Variants in ELP2 observed in about 807,000 individuals in gnomAD.
The protein encoded by ELP2 is elongator complex protein 2.
A neutral mutation model predicts 119.2 loss-of-function variants in ELP2; 90 were observed. The ratio of observed to expected loss-of-function variants is 0.75; its 90% CI spans 0.64 to 0.90. The LOEUF (loss-of-function observed/expected upper bound fraction) is 0.90. Among genes scored for constraint, ELP2 ranks in the 40% least tolerant of loss-of-function variants. The pLI, the probability that ELP2 is intolerant of heterozygous loss-of-function variation, is 0.00. For missense variants in ELP2, 921 were observed against 967.8 expected, an observed-to-expected ratio of 0.95 and a Z score of 0.64; for synonymous variants, 339 against 331.0, an observed-to-expected ratio of 1.02 and a Z score of -0.26.
In ELP2 at chr18:36,142,890, A is replaced by T. The variant is rs972904138; in HGVS notation, c.720A>T (p.Ile240=). The change falls in exon 8 of 22, where the codon ATA becomes ATT. Residue 240 remains isoleucine (I), a synonymous_variant. Transcript: ENST00000358232. ...DCLIRIWKLY[I]KSTSLETQDD... ...TGATAAGAATATGGAAGCTGTATAT[A>T]AAGTCAACATCTTTAGAAACTCAGG... 1.2e-6 allele frequency: 2 copies of T among 1,603,542 alleles called. No homozygotes were observed. Among genetic ancestry groups the T allele is most frequent in the African/African-American group, 2.7e-5 (2 of 74,660 alleles).
At position 36,159,971 on chromosome 18, in the gene ELP2, G is replaced by C; in HGVS notation, c.1644G>C (p.Glu548Asp). Reference sequence around the variant, plus strand: ...AATTTATTCTAGAGCCTCCCACTGAGGATCATCTTCTGCAGAATACTTTGT... The same window carrying C: ...AATTTATTCTAGAGCCTCCCACTGACGATCATCTTCTGCAGAATACTTTGT... ...QPSILTEPPT[E>D]DHLLQNTLWP... The change falls in exon 16 of 22, where the codon GAG (glutamate) becomes GAC (aspartate). Residue 548 changes from glutamate to aspartate, a missense_variant. By Grantham distance (45) the Glu-to-Asp change is conservative. Coordinates refer to ENST00000358232, the MANE Select transcript of ELP2 (RefSeq NM_018255.4). 6.2e-7 allele frequency: 1 copy of C among 1,614,066 alleles called. No individual in the cohort carries two copies. The highest frequency in any genetic ancestry group is 8.5e-7 in the Non-Finnish European group (1 of 1,180,010).
At chr18:36,171,815 C>G (rs2091089541) in intron 21 of ELP2, among the ~76,000 whole-genome samples, 1 of 152,238 alleles carries the variant, frequency 6.6e-6, no homozygotes, top group Non-Finnish European at 1.5e-5. Flanking sequence ...CTCCCAGGCT[C>G]AATCAGTCTT....
rs781276353 is a variant in ELP2 at position 36,136,323 on chromosome 18, A to C, written c.234A>C (p.Leu78Phe). Residue 78 changes from leucine to phenylalanine, a missense_variant, in exon 3 of 22, where the codon TTA becomes TTC. Physicochemically the swap from Leu to Phe is conservative, Grantham distance 22. Transcript: ENST00000358232. ...TTTTTTCAGCCCCTTCTACTGAATT[A>C]GTTTCTGGAGGATCTGATAATCAAG... ...CKQDGSPSTE[L>F]VSGGSDNQVI... The C allele has an allele frequency of 6.2e-7, 1 of 1,611,000 alleles. No individual in the cohort carries two copies. The highest frequency in any genetic ancestry group is 1.1e-5 in the South Asian group (1 of 91,040).
At chr18:36,154,533 G>C (rs1433739973) in intron 11 of ELP2, among the ~76,000 whole-genome samples, 1 of 152,136 alleles carries the variant, frequency 6.6e-6, no homozygotes, top group African/African-American at 2.4e-5. Context: ...AACCCTAGAA[G>C]GTAGGTGCTG....
chr18:36,167,058 A>G lies in ELP2; in HGVS notation c.1955-43A>G, dbSNP rs1282811914. 3.2e-6 allele frequency: 5 copies of G among 1,555,996 alleles called. No individual in the cohort carries two copies. In the East Asian group the frequency reaches 1.2e-4, roughly 36 times the overall value. ...ATCACTTCCTAACAGGTAAAAACCC[A>G]GCTTTCTCTGCTTTGTGAATAGTGT... On this transcript the variant is annotated intron_variant, in intron 18 of 21. Coordinates refer to ENST00000358232, the MANE Select transcript of ELP2 (RefSeq NM_018255.4).
Position 36,179,307 on chromosome 18 carries a change from C to CAGAAAAA in ELP2, c.*4667_*4668insGAAAAAA, listed in dbSNP as rs375391321. The CAGAAAAA allele has an allele frequency of 2.8e-5, 3 of 108,778 alleles. No individual in the cohort carries two copies. Among genetic ancestry groups the CAGAAAAA allele is most frequent in the Non-Finnish European group, 5.6e-5 (3 of 53,892 alleles). The allele number at this position is 108,778 out of a possible 1,614,324, so 6.7% of individuals were successfully genotyped here. On this transcript the variant is annotated 3_prime_UTR_variant, in exon 22 of 22. Coordinates refer to ENST00000358232, the MANE Select transcript of ELP2 (RefSeq NM_018255.4). The stretch of plus-strand genomic sequence containing the variant: ...TGAAACCCCATCTCTACTAAAAATA[C>CAGAAAAA]AAAAAAAAAAAAAAAATTAGTCGGG...
chr18:36,160,227 T>G (rs2090693043), intron 16 of ELP2, among the ~76,000 whole-genome samples: 1 of 152,154 alleles, frequency 6.6e-6, no homozygotes, highest in Non-Finnish European at 1.5e-5. Context: ...TTAGTTTTGT[T>G]TATTCATCTT....
At chr18:36,165,422 A>G (rs879309819) in intron 18 of ELP2, among the ~76,000 whole-genome samples, 1 of 152,190 alleles carries the variant, frequency 6.6e-6, no homozygotes, top group Non-Finnish European at 1.5e-5. Context: ...TTTTCCATTG[A>G]TAAGACTCGC....
intron 18 of ELP2, 151 bp from the exon 19 acceptor site, chr18:36,166,950 T>C (rs917033612): frequency 1.5e-6 from 1 of 650,866 alleles, no homozygotes; most frequent in African/African-American, 1.9e-5. Flanking sequence ...TGGTGAGGGG[T>C]TGGTTGCCTG....
chr18:36,174,371 T>C, intron 21 of ELP2, 114 bp from the exon 22 acceptor site: 1 of 1,026,218 alleles, frequency 9.7e-7, no homozygotes, highest in East Asian at 2.6e-5. Flanking sequence ...ATGGCTAAAA[T>C]GTTAATGATG....
At chr18:36,136,399 C>G (rs773834511) in intron 3 of ELP2, 22 bp downstream of exon 3, 1 of 1,562,082 alleles carries the variant, frequency 6.4e-7, no homozygotes, top group South Asian at 1.1e-5. Context: ...TGTTTATAAT[C>G]AAGAAATGAC....
chr18:36,164,754 T>A, intron 18 of ELP2, 87 bp downstream of exon 18: 1 of 1,312,596 alleles, frequency 7.6e-7, no homozygotes, highest in Non-Finnish European at 1.1e-6. Context: ...AAGAGAAAGA[T>A]AACAGAGTGA....
chr18:36,138,553 T>A (rs2089913799), intron 4 of ELP2, 127 bp downstream of exon 4: 2 of 1,149,044 alleles, frequency 1.7e-6, no homozygotes, highest in Admixed American at 2.4e-5. Context: ...AATTCTAATC[T>A]AAATTTTTCT....
At chr18:36,172,458 G>C (rs1057309609) in intron 21 of ELP2, among the ~76,000 whole-genome samples, 5 of 152,160 alleles carry the variant, frequency 3.3e-5, no homozygotes, top group African/African-American at 1.2e-4. Context: ...TCATCCAGCA[G>C]ATCTTGTCTC....
intron 11 of ELP2, among the ~76,000 whole-genome samples, chr18:36,147,088 T>G (rs1233744429): frequency 3.3e-5 from 5 of 150,760 alleles, no homozygotes; most frequent in Admixed American, 1.3e-4. Context: ...GTAGTTTTTT[T>G]TTTTTTTTTT....
intron 12 of ELP2, among the ~76,000 whole-genome samples, chr18:36,155,664 A>T (rs932951553): frequency 6.6e-6 from 1 of 152,048 alleles, no homozygotes; most frequent in Non-Finnish European, 1.5e-5. Context: ...TCAGCCTCCC[A>T]AGTAACTAAG....
rs1427666675 is a variant in ELP2, at chr18:36,156,559, G to T, written c.1369G>T (p.Asp457Tyr). Residue 457 changes from aspartate (D) to tyrosine (Y), a missense_variant, in exon 13 of 22, where the codon GAT (aspartate) becomes TAT (tyrosine). Transcript: ENST00000358232. The part of the protein sequence containing the change: ...INRFQFVSGA[D>Y]EKVLRVFSAP... ...TCGGTTTCAGTTTGTATCTGGAGCA[G>T]ATGAAAAAGTTCTTCGGGTTTTTTC... The T allele has an allele frequency of 6.2e-7, 1 of 1,613,988 alleles. No individual in the cohort carries two copies. Among genetic ancestry groups the T allele is most frequent in the East Asian group, 2.2e-5 (1 of 44,874 alleles).
At chr18:36,144,771 G>A (rs1051233309) in intron 8 of ELP2, among the ~76,000 whole-genome samples, 168 bp from the exon 9 acceptor site, 22 of 152,168 alleles carry the variant, frequency 1.4e-4, no homozygotes, top group African/African-American at 5.3e-4. Context: ...ATTTTGAACA[G>A]CAGTTGAGGT....
At chr18:36,140,775 T>C (rs2089995110) in intron 5 of ELP2, among the ~76,000 whole-genome samples, 1 of 152,230 alleles carries the variant, frequency 6.6e-6, no homozygotes, top group Non-Finnish European at 1.5e-5. Context: ...TCATAGTAGC[T>C]GTTCATTATT....
Sources: allele counts gnomAD v4.1 joint callset (sites outside exome capture counted in the v4.1 genomes callset), GRCh38; gene constraint gnomAD v4.1.1; transcripts MANE v1.5; gene names NCBI Gene and HGNC (gene_info 2026-07-23, HGNC 2026-07-21).